The following FARP2 variants were observed in gnomAD, a reference collection of about 807,000 sequenced individuals.
FARP2 encodes the protein FERM, ARH/RhoGEF and pleckstrin domain protein 2, also known as FERM, ARHGEF and pleckstrin domain-containing protein 2.
A neutral mutation model predicts 130.5 loss-of-function variants in FARP2; 111 were observed. The observed-to-expected ratio is 0.85, with a 90% CI of 0.73 to 1.00. The LOEUF (loss-of-function observed/expected upper bound fraction) is 1.00. Ranked by LOEUF, FARP2 falls within the 50% of genes least tolerant of loss-of-function variation. FARP2 has a pLI of 0.00. For missense variants in FARP2, 1,385 were observed against 1,346.3 expected (o/e 1.03, Z -0.45); for synonymous variants, 504 against 516.9 (o/e 0.98, Z 0.34).
intron 13 of FARP2, among the ~76,000 whole-genome samples, chr2:241,452,123 G>A (rs538484757): frequency 2.0e-5 from 3 of 152,142 alleles, no homozygotes; most frequent in Non-Finnish European, 2.9e-5. Flanking sequence ...GGAGCACTAC[G>A]GCCAAGTGTC....
chr2:241,407,093 C>T (rs893639676), intron 4 of FARP2, among the ~76,000 whole-genome samples: 1 of 152,266 alleles, frequency 6.6e-6, no homozygotes, highest in South Asian at 2.1e-4. Flanking sequence ...CAGGCGTGAG[C>T]CACCGCGCCC....
intron 6 of FARP2, among the ~76,000 whole-genome samples, chr2:241,411,807 A>G (rs1210515888): frequency 6.6e-6 from 1 of 152,202 alleles, no homozygotes; most frequent in Non-Finnish European, 1.5e-5. Context: ...GGAATTAATA[A>G]GTATATAGGT....
At chr2:241,458,568 CAAGTGAGGGCTAGTTCTGGG>C (rs1339752394) in intron 14 of FARP2, among the ~76,000 whole-genome samples, 1 of 152,238 alleles carries the variant, frequency 6.6e-6, no homozygotes, top group Non-Finnish European at 1.5e-5. Flanking sequence ...ACGAGGCCTG[CAAGTGAGGGCTAGTTCTGGG>C]CCCTGGCAGC....
In FARP2 at chr2:241,466,947, T is replaced by TA. The variant is rs111497599; in HGVS notation, c.1894-1179dup. Among the ~76,000 whole-genome samples the TA allele has an allele frequency of 3.7e-3, 537 of 145,186 alleles. 6 individuals carry two copies. Among genetic ancestry groups the TA allele is most frequent in the African/African-American group, 8.0e-3 (313 of 39,320 alleles). ...AGTGGACCAAATAAAAGTGTTTTGT[T>TA]AAAAAAAAAAAAAATGTAACCCTTT... is the stretch of plus-strand genomic sequence containing the variant. On this transcript the variant is annotated intron_variant, in intron 17 of 26. Transcript: ENST00000264042.
intron 1 of FARP2, among the ~76,000 whole-genome samples, chr2:241,366,125 A>ATATATATATACATACATATATACG (rs1553705676): frequency 1.5e-5 from 1 of 67,368 alleles, no homozygotes. Context: ...ATATATACGT[A>ATATATATATACATACATATATACG]TATATATATA....
intron 2 of FARP2, among the ~76,000 whole-genome samples, chr2:241,396,517 G>A (rs931986183): frequency 1.1e-4 from 17 of 152,232 alleles, no homozygotes; most frequent in African/African-American, 4.1e-4. Flanking sequence ...TCAAAAAGTG[G>A]GTGAAGGACA....
chr2:241,416,931 G>GGTGA (rs887396670), intron 7 of FARP2, among the ~76,000 whole-genome samples: 10 of 151,824 alleles, frequency 6.6e-5, no homozygotes, highest in South Asian at 2.1e-4. Flanking sequence ...CGAGTGAGTG[G>GGTGA]GTGAGTGAGT....
At position 241,439,732 on chromosome 2, in the gene FARP2, C is replaced by T. The variant is rs376039384; in HGVS notation, c.1159-1572C>T. 2.6e-4 allele frequency among the ~76,000 whole-genome samples: 40 copies of T among 152,186 alleles called. No individual in the cohort carries two copies. The East Asian group carries it at 7.0e-3, about 26-fold the overall frequency. ...ATACCAGCACTTTGGGAGGTCAAGGCGGGCAGATCTCCTGAGGTCAAGAGT... is the reference window on the plus strand; with the variant it reads ...ATACCAGCACTTTGGGAGGTCAAGGTGGGCAGATCTCCTGAGGTCAAGAGT... On this transcript the variant is annotated intron_variant, in intron 12 of 26. Transcript: ENST00000264042.
In FARP2 at chr2:241,463,887, C is replaced by G; in HGVS notation, c.1812-12C>G. The G allele has an allele frequency of 6.2e-7, 1 of 1,612,028 alleles. No homozygotes were observed. The highest frequency in any genetic ancestry group is 1.6e-4 in the Middle Eastern group (1 of 6,062). On this transcript the variant is annotated splice_polypyrimidine_tract_variant and intron_variant, in intron 16 of 26. Transcript: ENST00000264042. ...CACCATGTTTAGGATGACTTTGTTT[C>G]TTTTTACTCAGGGAAGGGCCCTCCA...
intron 17 of FARP2, chr2:241,465,987 C>T: frequency 7.2e-7 from 1 of 1,388,200 alleles, no homozygotes; most frequent in South Asian, 1.6e-5. Context: ...AAGGCAGTTG[C>T]ACTAATTTAA....
intron 13 of FARP2, chr2:241,442,403 C>T (rs369945778): frequency 2.2e-6 from 1 of 456,506 alleles, no homozygotes; most frequent in African/African-American, 2.0e-5. Context: ...GAAACCGAGG[C>T]CCCCCTAGAC....
intron 13 of FARP2, 135 bp downstream of exon 13, chr2:241,441,691 G>A: frequency 7.7e-7 from 1 of 1,301,956 alleles, no homozygotes; most frequent in Non-Finnish European, 1.1e-6. Flanking sequence ...CAATGGTGGG[G>A]ATGACTTTAC....
chr2:241,488,021 T>C (rs1032831892), intron 21 of FARP2: 24 of 152,182 alleles, frequency 1.6e-4, no homozygotes, highest in Non-Finnish European at 1.5e-5. Context: ...GTGCTGGGAT[T>C]ACAGGCGTGA....
intron 2 of FARP2, among the ~76,000 whole-genome samples, chr2:241,388,078 A>C (rs986480067): frequency 6.6e-6 from 1 of 152,202 alleles, no homozygotes; most frequent in Non-Finnish European, 1.5e-5. Flanking sequence ...AGATCTTACA[A>C]TGTATATAGA....
At chr2:241,489,043 A>C (rs1241043509) in intron 21 of FARP2, 6 of 152,276 alleles carry the variant, frequency 3.9e-5, no homozygotes, top group Admixed American at 1.3e-4. Context: ...TGGAGATTTC[A>C]GTTGAAATTG....
chr2:241,434,209 A>G lies in FARP2; in HGVS notation c.919A>G (p.Lys307Glu). The G allele has an allele frequency of 6.2e-7, 1 of 1,613,884 alleles. No individual in the cohort carries two copies. The highest frequency in any genetic ancestry group is 8.5e-7 in the Non-Finnish European group (1 of 1,179,786). Reference protein sequence around the residue: ...EFLLGSRDECKNFWKICVEYH... With the variant: ...EFLLGSRDECENFWKICVEYH... The stretch of plus-strand genomic sequence containing the variant: ...TTTGTTGGGTAGTAGAGATGAATGT[A>G]AGAACTTCTGGAAGATTTGTGTGGA... Residue 307 changes from lysine to glutamate, a missense_variant, in exon 10 of 27, where the codon AAG (lysine) becomes GAG (glutamate). By Grantham distance (56) the Lys-to-Glu change is moderately conservative. Coordinates refer to ENST00000264042, the MANE Select transcript of FARP2 (RefSeq NM_014808.4).
chr2:241,462,475 G>A (rs1378671362), intron 14 of FARP2, 48 bp from the exon 15 acceptor site: 1 of 1,345,576 alleles, frequency 7.4e-7, no homozygotes, highest in South Asian at 1.2e-5. Flanking sequence ...AGCGTGGGAG[G>A]GTCCCATGTC....
At position 241,434,978 on chromosome 2, in the gene FARP2, C is replaced by T; in HGVS notation, c.1048C>T (p.Gln350Ter). The change falls in exon 11 of 27, where the codon CAA (glutamine) becomes TAA (stop). Residue 350 changes from glutamine to a stop codon, truncating the protein, a stop_gained. Coordinates refer to ENST00000264042, the MANE Select transcript of FARP2 (RefSeq NM_014808.4). LOFTEE classifies it high-confidence loss of function. ...SFRYSGRTQK[Q>*]LVDYFKDSGM... ...TATTCACAGTGGAAGAACTCAGAAA[C>T]AACTAGTAGATTATTTCAAAGACAG... is the stretch of plus-strand genomic sequence containing the variant. The T allele has an allele frequency of 1.9e-6, 3 of 1,587,564 alleles. No homozygotes were observed. Among genetic ancestry groups the T allele is most frequent in the South Asian group, 1.1e-5 (1 of 88,932 alleles).
At chr2:241,400,189 A>ACCTCCC (rs1367836015) in intron 2 of FARP2, among the ~76,000 whole-genome samples, 1 of 151,768 alleles carries the variant, frequency 6.6e-6, no homozygotes, top group East Asian at 1.9e-4. Context: ...GGGAACCCTG[A>ACCTCCC]CCTCCCCATT....
Sources: allele counts gnomAD v4.1 joint callset (sites outside exome capture counted in the v4.1 genomes callset), GRCh38; gene constraint gnomAD v4.1.1; transcripts MANE v1.5; gene names NCBI Gene and HGNC (gene_info 2026-07-23, HGNC 2026-07-21).